Variants in IQGAP1 observed in about 807,000 individuals in gnomAD.
The protein encoded by IQGAP1 is IQ motif containing GTPase activating protein 1.
Under a neutral mutation model 215.6 loss-of-function variants are expected in IQGAP1, and 66 were observed. The ratio of observed to expected loss-of-function variants is 0.31; its 90% CI spans 0.25 to 0.38. The LOEUF is 0.38. Among genes scored for constraint, IQGAP1 ranks in the 10% least tolerant of loss-of-function variants. The pLI is 1.00. For synonymous variants in IQGAP1, 772 were observed against 728.7 expected (o/e 1.06, Z -0.96); for missense variants, 1,712 against 1,997.1 (o/e 0.86, Z 2.72).
At chr15:90,400,768 C>G (rs1292597452) in intron 2 of IQGAP1, among the ~76,000 whole-genome samples, 4 of 152,144 alleles carry the variant, frequency 2.6e-5, no homozygotes, top group African/African-American at 9.7e-5. Context: ...AGTAAAAATA[C>G]ATTTGAGGAC....
intron 2 of IQGAP1, among the ~76,000 whole-genome samples, chr15:90,423,210 CACTTT>C (rs1197527992): frequency 1.3e-5 from 2 of 152,070 alleles, no homozygotes; most frequent in African/African-American, 4.8e-5. Flanking sequence ...GTTAACATGG[CACTTT>C]ACTTTTCAAA....
intron 1 of IQGAP1, among the ~76,000 whole-genome samples, chr15:90,390,220 A>G (rs1347233208): frequency 6.6e-6 from 1 of 152,192 alleles, no homozygotes; most frequent in Non-Finnish European, 1.5e-5. Context: ...TTCAAGGTTA[A>G]GCTCAGGCTT....
rs113576805 is a variant in IQGAP1, at chr15:90,478,172, A to G, written c.3329+283A>G. Reference sequence around the variant, plus strand: ...ACACCTGTCTGATTTTTGTATTTTTAGTAAGACTGGGTTTCACCATGTTGG... The same window carrying G: ...ACACCTGTCTGATTTTTGTATTTTTGGTAAGACTGGGTTTCACCATGTTGG... On this transcript the variant is annotated intron_variant, in intron 26 of 37. Transcript: ENST00000268182. Among the ~76,000 whole-genome samples the G allele has an allele frequency of 3.3e-3, 501 of 152,090 alleles. 6 individuals are homozygous for G. Among genetic ancestry groups the G allele is most frequent in the Middle Eastern group, 0.01 (3 of 294 alleles).
Position 90,474,093 on chromosome 15 carries a change from T to C in IQGAP1, c.2535T>C (p.Phe845=). ...HINDIIKIQA[F]IRANKARDDY... ...ATGACATTATCAAAATCCAGGCTTT[T>C]ATTCGGGCAAACAAAGCTCGGGATG... The change falls in exon 22 of 38, where the codon TTT becomes TTC. Residue 845 remains phenylalanine, a synonymous_variant. Coordinates refer to ENST00000268182, the MANE Select transcript of IQGAP1 (RefSeq NM_003870.4). The C allele has an allele frequency of 6.2e-7, 1 of 1,613,436 alleles. No homozygotes were observed.
chr15:90,451,951 T>G (rs1965609954), intron 11 of IQGAP1, among the ~76,000 whole-genome samples: 1 of 151,950 alleles, frequency 6.6e-6, no homozygotes, highest in African/African-American at 2.4e-5. Flanking sequence ...TCTCTCAGCC[T>G]CCTGAGGAGC....
At chr15:90,461,893 A>G (rs1048393626) in intron 15 of IQGAP1, among the ~76,000 whole-genome samples, 1 of 151,578 alleles carries the variant, frequency 6.6e-6, no homozygotes, top group Non-Finnish European at 1.5e-5. Flanking sequence ...TAATCTTTGT[A>G]CTTTGGGAGG....
At chr15:90,418,452 G>A (rs1163663578) in intron 2 of IQGAP1, among the ~76,000 whole-genome samples, 2 of 151,894 alleles carry the variant, frequency 1.3e-5, no homozygotes, top group Admixed American at 6.6e-5. Flanking sequence ...GCCTCGTGTG[G>A]TGGTACACAC....
At chr15:90,412,520 G>A (rs567373164) in intron 2 of IQGAP1, among the ~76,000 whole-genome samples, 1 of 152,118 alleles carries the variant, frequency 6.6e-6, no homozygotes, top group Non-Finnish European at 1.5e-5. Flanking sequence ...CATACCACAA[G>A]TCTTTCAAGA....
intron 15 of IQGAP1, among the ~76,000 whole-genome samples, chr15:90,464,194 G>T (rs987452481): frequency 3.9e-5 from 6 of 152,136 alleles, no homozygotes; most frequent in African/African-American, 1.4e-4. Context: ...TGTTAATTTT[G>T]TTGGGTCTGC....
At chr15:90,484,729 T>G (rs147450927) in intron 30 of IQGAP1, among the ~76,000 whole-genome samples, 177 of 152,188 alleles carry the variant, frequency 1.2e-3, no homozygotes, top group Non-Finnish European at 1.2e-3. Context: ...CAGCATGGTG[T>G]CGATATCCTG....
chr15:90,452,327 G>A (rs1401892930), intron 11 of IQGAP1, among the ~76,000 whole-genome samples: 1 of 152,212 alleles, frequency 6.6e-6, no homozygotes, highest in Non-Finnish European at 1.5e-5. Flanking sequence ...GGAAGTACAG[G>A]TAGTGAAAGA....
At chr15:90,495,019 T>C (rs1966252894) in intron 36 of IQGAP1, among the ~76,000 whole-genome samples, 184 bp downstream of exon 36, 1 of 152,242 alleles carries the variant, frequency 6.6e-6, no homozygotes, top group African/African-American at 2.4e-5. Flanking sequence ...GAGTTTTTCT[T>C]TTCCTTGTTT....
intron 2 of IQGAP1, among the ~76,000 whole-genome samples, chr15:90,410,670 A>G (rs1265172271): frequency 7.1e-6 from 1 of 141,550 alleles, no homozygotes; most frequent in Non-Finnish European, 1.5e-5. Flanking sequence ...GGAACATCAC[A>G]CACTGGGGCC....
At chr15:90,401,736 G>C (rs1157384565) in intron 2 of IQGAP1, among the ~76,000 whole-genome samples, 11 of 152,210 alleles carry the variant, frequency 7.2e-5, no homozygotes, top group African/African-American at 1.2e-4. Flanking sequence ...GGTTGATCCA[G>C]ATTTCAGGTT....
Position 90,413,807 on chromosome 15 carries a change from G to A in IQGAP1, c.156-12303G>A, listed in dbSNP as rs994591209. Among the ~76,000 whole-genome samples, 8 of 152,192 alleles carry A rather than the reference G, an allele frequency of 5.3e-5. 1 individual carries two copies. Among genetic ancestry groups the A allele is most frequent in the Admixed American group, 3.3e-4 (5 of 15,282 alleles). On this transcript the variant is annotated intron_variant, in intron 2 of 37. Coordinates refer to ENST00000268182, the MANE Select transcript of IQGAP1 (RefSeq NM_003870.4). ...TTACAACAACCTTATGAAGTTTGGT[G>A]TGTTGCTAATCCTGCTTTATATATG...
chr15:90,430,397 A>G (rs546772229), intron 4 of IQGAP1, among the ~76,000 whole-genome samples: 2 of 152,362 alleles, frequency 1.3e-5, no homozygotes, highest in South Asian at 2.1e-4. Flanking sequence ...GTAAATAATC[A>G]GAAAGCACCA....
At chr15:90,397,193 AGTTAGTACCCATTATT>A (rs1432800167) in intron 2 of IQGAP1, among the ~76,000 whole-genome samples, 1 of 152,226 alleles carries the variant, frequency 6.6e-6, no homozygotes, top group African/African-American at 2.4e-5. Context: ...GAGTTGAACT[AGTTAGTACCCATTATT>A]ATTAAGAAAA....
intron 2 of IQGAP1, among the ~76,000 whole-genome samples, chr15:90,402,269 G>A (rs1964815009): frequency 6.6e-6 from 1 of 152,166 alleles, no homozygotes; most frequent in African/African-American, 2.4e-5. Flanking sequence ...AGCTTAGAAA[G>A]GTGTTCCTTC....
intron 14 of IQGAP1, 41 bp from the exon 15 acceptor site, chr15:90,456,111 C>T (rs2151024920): frequency 6.4e-7 from 1 of 1,564,616 alleles, no homozygotes; most frequent in South Asian, 1.1e-5. Context: ...TATGTACTTC[C>T]TTAATTAGAA....
Sources: allele counts gnomAD v4.1 joint callset (sites outside exome capture counted in the v4.1 genomes callset), GRCh38; gene constraint gnomAD v4.1.1; transcripts MANE v1.5; gene names NCBI Gene and HGNC (gene_info 2026-07-23, HGNC 2026-07-21).